ZDHHC17: variants seen among roughly 807,000 people sequenced by gnomAD.
ZDHHC17 encodes zDHHC palmitoyltransferase 17, also known as palmitoyltransferase ZDHHC17.
ZDHHC17 carries 40 observed loss-of-function variants against 90.3 expected under a neutral mutation model. That is an observed-to-expected ratio of 0.44 (90% CI 0.34 to 0.58). ZDHHC17 has a LOEUF of 0.58. Ranked by LOEUF, ZDHHC17 falls within the 20% of genes least tolerant of loss-of-function variation. ZDHHC17 has a pLI of 0.01. For synonymous variants in ZDHHC17, 235 were observed against 252.4 expected (o/e 0.93, Z 0.65); for missense variants, 614 against 780.8 (o/e 0.79, Z 2.55).
At chr12:76,848,206 A>T in intron 14 of ZDHHC17, 27 bp from the exon 15 acceptor site, 1 of 1,612,140 alleles carries the variant, frequency 6.2e-7, no homozygotes, top group Non-Finnish European at 8.5e-7. Flanking sequence ...TATTGAGTAA[A>T]TACGAGTACT....
intron 1 of ZDHHC17, among the ~76,000 whole-genome samples, chr12:76,788,200 A>T (rs1952714393): frequency 6.6e-6 from 1 of 152,234 alleles, no homozygotes; most frequent in Admixed American, 6.5e-5. Context: ...GCAGATGGAA[A>T]GAGAGACTGG....
intron 1 of ZDHHC17, among the ~76,000 whole-genome samples, chr12:76,766,119 T>C (rs927856822): frequency 3.9e-5 from 6 of 152,228 alleles, no homozygotes; most frequent in African/African-American, 1.4e-4. Flanking sequence ...TTTGGTGTAG[T>C]AGAATGGCCA....
At chr12:76,792,386 G>T (rs776269338) in intron 1 of ZDHHC17, among the ~76,000 whole-genome samples, 1 of 152,180 alleles carries the variant, frequency 6.6e-6, no homozygotes, top group Non-Finnish European at 1.5e-5. Context: ...GCGAATAGTT[G>T]ATTGGTTATA....
chr12:76,764,323 C>G lies in ZDHHC17; in HGVS notation c.87C>G (p.His29Gln), dbSNP rs754913402. ...AAGCGGGCTGTGTGCCCCTTCTCCACCCAGAGGTGAGGAACCGTGCTGAGT... is the reference window on the plus strand; with the variant it reads ...AAGCGGGCTGTGTGCCCCTTCTCCAGCCAGAGGTGAGGAACCGTGCTGAGT... ...DTEAGCVPLL[H>Q]PEEIKPQSHY... The change falls in exon 1 of 17, where the codon CAC becomes CAG. Residue 29 changes from histidine (H) to glutamine (Q), a missense_variant. This residue lies in a region of ZDHHC17 where 358 missense variants were observed against 380.4 expected (regional missense o/e 0.94). Transcript: ENST00000426126. 9.4e-6 allele frequency: 15 copies of G among 1,598,556 alleles called. No individual in the cohort carries two copies. Among genetic ancestry groups the G allele is most frequent in the Non-Finnish European group, 1.3e-5 (15 of 1,172,396 alleles).
At chr12:76,786,243 C>T (rs7300003) in intron 1 of ZDHHC17, among the ~76,000 whole-genome samples, 6,494 of 151,914 alleles carry the variant, frequency 0.043, 224 homozygotes, top group East Asian at 0.15. Context: ...GCTGGGATTA[C>T]AGGTGTGTGC....
chr12:76,792,557 A>G (rs1208610084), intron 1 of ZDHHC17, among the ~76,000 whole-genome samples: 1 of 151,926 alleles, frequency 6.6e-6, no homozygotes, highest in African/African-American at 2.4e-5. Context: ...AGCTCTTCCC[A>G]TTCCTGTCTA....
At chr12:76,793,628 G>A (rs939242714) in intron 1 of ZDHHC17, among the ~76,000 whole-genome samples, 12 of 152,296 alleles carry the variant, frequency 7.9e-5, no homozygotes, top group Middle Eastern at 3.4e-3. Context: ...CCCGTTTTAC[G>A]AAGGAGAGAT....
chr12:76,827,031 A>G lies in ZDHHC17; in HGVS notation c.1021A>G (p.Thr341Ala). Reference protein sequence around the residue: ...KGLMYGGVWATVQFLSKSFFD... With the variant: ...KGLMYGGVWAAVQFLSKSFFD... Reference sequence around the variant, plus strand: ...GCTAATGTATGGTGGTGTTTGGGCTACAGTACAGTTTCTTTCAAAGTAAGT... The same window carrying G: ...GCTAATGTATGGTGGTGTTTGGGCTGCAGTACAGTTTCTTTCAAAGTAAGT... The change falls in exon 9 of 17, where the codon ACA (threonine) becomes GCA (alanine). Residue 341 changes from threonine (T) to alanine (A), a missense_variant. This residue lies in a region of ZDHHC17 where 117 missense variants were observed against 183.6 expected (regional missense o/e 0.64). Transcript: ENST00000426126. 1.3e-6 allele frequency: 2 copies of G among 1,563,022 alleles called. No homozygotes were observed. Among genetic ancestry groups the G allele is most frequent in the Non-Finnish European group, 1.7e-6 (2 of 1,163,454 alleles).
intron 9 of ZDHHC17, 46 bp from the exon 10 acceptor site, chr12:76,828,344 A>G: frequency 7.0e-7 from 1 of 1,427,838 alleles, no homozygotes. Context: ...ACTCATTTTT[A>G]CAATGAAATA....
At chr12:76,829,455 C>CAAAAAAAAAAAAA (rs58051393) in intron 10 of ZDHHC17, among the ~76,000 whole-genome samples, 2 of 71,922 alleles carry the variant, frequency 2.8e-5, no homozygotes, top group African/African-American at 1.3e-4. Flanking sequence ...GACTATGTCT[C>CAAAAAAAAAAAAA]AAAAAAAAAA....
At chr12:76,817,878 C>T (rs562438349) in intron 7 of ZDHHC17, among the ~76,000 whole-genome samples, 1 of 152,104 alleles carries the variant, frequency 6.6e-6, no homozygotes, top group East Asian at 1.9e-4. Flanking sequence ...TTATTTGGTG[C>T]CAAGAAACAA....
chr12:76,766,017 A>G (rs1952426758), intron 1 of ZDHHC17, among the ~76,000 whole-genome samples: 1 of 152,200 alleles, frequency 6.6e-6, no homozygotes, highest in Non-Finnish European at 1.5e-5. Flanking sequence ...TACGTATTTT[A>G]GCATACTGTT....
chr12:76,805,458 T>C lies in ZDHHC17; in HGVS notation c.320+19T>C. 6.7e-7 allele frequency: 1 copy of C among 1,497,840 alleles called. No individual in the cohort carries two copies. Among genetic ancestry groups the C allele is most frequent in the Non-Finnish European group, 9.0e-7 (1 of 1,115,738 alleles). 92.8% of individuals were successfully genotyped at this position (1,497,840 alleles called of 1,614,324 possible). A position where few individuals can be genotyped will look rare whatever the true frequency, so the allele number is the denominator to read the frequency against. On this transcript the variant is annotated intron_variant, in intron 3 of 16. Transcript: ENST00000426126. ...TAGTCAAGTATGTATTTTCTCTATT[T>C]TTAATTATTAGAACTTGACTTTTTA... is the stretch of plus-strand genomic sequence containing the variant.
intron 1 of ZDHHC17, among the ~76,000 whole-genome samples, chr12:76,771,627 C>A (rs544572996): frequency 6.6e-6 from 1 of 152,048 alleles, no homozygotes; most frequent in African/African-American, 2.4e-5. Context: ...TGTTAGTATA[C>A]CCTACCCTTG....
intron 15 of ZDHHC17, among the ~76,000 whole-genome samples, chr12:76,848,878 G>A (rs577933615): frequency 2.0e-5 from 3 of 152,072 alleles, no homozygotes; most frequent in South Asian, 2.1e-4. Flanking sequence ...ATGATACCAC[G>A]TAAACTAGTT....
intron 10 of ZDHHC17, among the ~76,000 whole-genome samples, chr12:76,838,398 T>G (rs1953394913): frequency 2.0e-5 from 3 of 152,214 alleles, no homozygotes; most frequent in Admixed American, 2.0e-4. Flanking sequence ...TATTCAGACT[T>G]TTATGTTTTC....
chr12:76,776,889 T>C (rs1311030467), intron 1 of ZDHHC17, among the ~76,000 whole-genome samples: 2 of 152,210 alleles, frequency 1.3e-5, no homozygotes, highest in Non-Finnish European at 2.9e-5. Flanking sequence ...TTGAGGCATA[T>C]TTTATGATAA....
At chr12:76,801,165 C>T (rs11115476) in intron 2 of ZDHHC17, among the ~76,000 whole-genome samples, 1,664 of 150,782 alleles carry the variant, frequency 0.011, 11 homozygotes, top group Non-Finnish European at 0.017. Context: ...GGATTACAGG[C>T]GAGAGCCACC....
intron 4 of ZDHHC17, 95 bp from the exon 5 acceptor site, chr12:76,809,618 A>G (rs1227083076): frequency 5.9e-6 from 6 of 1,020,580 alleles, no homozygotes; most frequent in Non-Finnish European, 7.9e-6. Context: ...TACATACGTA[A>G]TCTTCCCACC....
Sources: gnomAD v4.1 joint callset for allele counts (sites outside exome capture counted in the v4.1 genomes callset) on GRCh38, gnomAD v4.1.1 for gene constraint, gnomAD v4.1.1 regional missense constraint, MANE v1.5 for transcripts, NCBI Gene and HGNC (gene_info 2026-07-23, HGNC 2026-07-21) for gene names.